The following C2CD5 variants were observed in gnomAD, a reference collection of about 807,000 sequenced individuals.
The protein encoded by C2CD5 is C2 calcium dependent domain containing 5.
In C2CD5, 109 loss-of-function variants were observed where a neutral mutation model predicts 130.3. The ratio of observed to expected loss-of-function variants is 0.84; its 90% CI spans 0.72 to 0.98. C2CD5 has a LOEUF of 0.98. Ranked by LOEUF, C2CD5 falls within the 50% of genes least tolerant of loss-of-function variation. C2CD5 has a pLI of 0.00. For synonymous variants in C2CD5, 454 were observed against 429.2 expected (o/e 1.06, Z -0.71); for missense variants, 996 against 1,261.8 (o/e 0.79, Z 3.19).
rs377726881 is a variant in C2CD5 at position 22,471,061 on chromosome 12, T to C, written c.2359-150A>G. The C allele has an allele frequency of 1.5e-5, 9 of 612,132 alleles. No homozygotes were observed. The African/African-American group carries it at 1.7e-4, about 11-fold the overall frequency. The allele number at this position is 612,132 out of a possible 1,614,324, so 37.9% of individuals were successfully genotyped here. A position where few individuals can be genotyped will look rare whatever the true frequency, so the allele number is the denominator to read the frequency against. ...CAGAATTATGTATAAATTCAAATCA[T>C]ACACAAACTACAACTATACCAAACA... On this transcript the variant is annotated intron_variant, in intron 20 of 26. Coordinates refer to ENST00000446597, the MANE Select transcript of C2CD5 (RefSeq NM_001286176.2).
At chr12:22,474,728 A>G in intron 16 of C2CD5, 23 bp downstream of exon 16, 1 of 1,553,424 alleles carries the variant, frequency 6.4e-7, no homozygotes, top group Non-Finnish European at 8.7e-7. Flanking sequence ...AACCTTTAAG[A>G]AATTAGTCCA....
intron 9 of C2CD5, among the ~76,000 whole-genome samples, chr12:22,508,218 T>C (rs924967134): frequency 6.6e-6 from 1 of 152,058 alleles, no homozygotes; most frequent in Admixed American, 6.5e-5. Flanking sequence ...TATTTAGAAA[T>C]AAATTCAGTT....
intron 8 of C2CD5, among the ~76,000 whole-genome samples, chr12:22,517,753 C>T (rs1224846687): frequency 3.3e-5 from 5 of 150,022 alleles, no homozygotes; most frequent in South Asian, 4.2e-4. Context: ...CAAAATAAAT[C>T]GTGGACTTTG....
chr12:22,485,187 TG>T (rs1190047795), intron 12 of C2CD5, among the ~76,000 whole-genome samples: 1 of 152,034 alleles, frequency 6.6e-6, no homozygotes, highest in Non-Finnish European at 1.5e-5. Flanking sequence ...GTTTTTTCTC[TG>T]GGATACAACA....
intron 10 of C2CD5, among the ~76,000 whole-genome samples, chr12:22,504,618 T>C (rs1393155019): frequency 6.6e-6 from 1 of 152,190 alleles, no homozygotes; most frequent in East Asian, 1.9e-4. Context: ...CAAAATGTTT[T>C]TCAGTAAGCA....
At chr12:22,477,136 C>T (rs1943962171) in intron 15 of C2CD5, 1 of 152,036 alleles carries the variant, frequency 6.6e-6, no homozygotes, top group East Asian at 1.9e-4. Context: ...TTTAATAAAA[C>T]ATTTTATTTC....
rs368015652 is a variant in C2CD5, at chr12:22,486,753, G to A, written c.1359-1865C>T. On this transcript the variant is annotated intron_variant, in intron 12 of 26. Coordinates refer to ENST00000446597, the MANE Select transcript of C2CD5 (RefSeq NM_001286176.2). ...TTCTTAAATGACATTTTAAGGAAAT[G>A]CCGAGAATGTTGGTAGAACTAGAGT... is the stretch of plus-strand genomic sequence containing the variant. Among the ~76,000 whole-genome samples the A allele has an allele frequency of 2.6e-5, 4 of 152,138 alleles. No homozygotes were observed. The East Asian group carries it at 7.7e-4, about 29-fold the overall frequency.
intron 20 of C2CD5, 128 bp downstream of exon 20, chr12:22,471,271 T>C: frequency 3.2e-6 from 2 of 622,686 alleles, no homozygotes; most frequent in Non-Finnish European, 5.7e-6. Flanking sequence ...CATACTAACA[T>C]ATATTTTTTA....
chr12:22,505,327 G>A (rs1025959677), intron 10 of C2CD5, among the ~76,000 whole-genome samples: 2 of 143,102 alleles, frequency 1.4e-5, no homozygotes, highest in Non-Finnish European at 3.0e-5. Flanking sequence ...GCACAATCTC[G>A]GCTCACTGCA....
At chr12:22,517,250 A>G (rs1306534389) in intron 8 of C2CD5, among the ~76,000 whole-genome samples, 3 of 151,748 alleles carry the variant, frequency 2.0e-5, no homozygotes, top group Non-Finnish European at 4.4e-5. Context: ...ATTTATAAAA[A>G]TTTCATCACT....
At chr12:22,462,706 G>C (rs1366273791) in intron 22 of C2CD5, among the ~76,000 whole-genome samples, 3 of 152,194 alleles carry the variant, frequency 2.0e-5, no homozygotes, top group African/African-American at 7.2e-5. Context: ...CAATGGCAAA[G>C]GTATTCGTTA....
Position 22,449,853 on chromosome 12 carries a change from A to C in C2CD5, c.3063T>G (p.Val1021=). 1 of 1,611,548 alleles carries C rather than the reference A, an allele frequency of 6.2e-7. No individual in the cohort carries two copies. Among genetic ancestry groups the C allele is most frequent in the Non-Finnish European group, 8.5e-7 (1 of 1,177,978 alleles). The change falls in exon 27 of 27, where the codon GTT becomes GTG. Residue 1021 remains valine (V), a synonymous_variant. Transcript: ENST00000446597. ...CLINVSGDAV[V]FVRESDLEVV... The stretch of plus-strand genomic sequence containing the variant: ...CTTCTAAGTCAGATTCACGAACAAA[A>C]ACCACTGCATCACCACTTACATTTA...
intron 25 of C2CD5, 85 bp from the exon 26 acceptor site, chr12:22,454,127 T>C: frequency 1.9e-6 from 2 of 1,064,822 alleles, no homozygotes; most frequent in Non-Finnish European, 2.7e-6. Flanking sequence ...AGAATATATA[T>C]TAAAACATCC....
At chr12:22,469,331 T>A (rs1261306087) in intron 22 of C2CD5, among the ~76,000 whole-genome samples, 1 of 151,980 alleles carries the variant, frequency 6.6e-6, no homozygotes, top group Non-Finnish European at 1.5e-5. Context: ...CTGTTGTGCA[T>A]GAAAATCCAA....
In C2CD5 at chr12:22,469,719, T is replaced by C; in HGVS notation, c.2523A>G (p.Pro841=). The change falls in exon 22 of 27, where the codon CCA becomes CCG. Residue 841 remains proline (P), a synonymous_variant. Coordinates refer to ENST00000446597, the MANE Select transcript of C2CD5 (RefSeq NM_001286176.2). ...CCTCACTTAACCAACCTTTAGCTGG[T>C]GGAAAAGGATGAGAAGGAAGTGAAT... ...CSDSLPSHPF[P]PAKEHLESAS... is the part of the protein sequence containing the mutation. The C allele has an allele frequency of 6.3e-7, 1 of 1,598,462 alleles. No homozygotes were observed. Among genetic ancestry groups the C allele is most frequent in the South Asian group, 1.1e-5 (1 of 88,964 alleles).
intron 2 of C2CD5, among the ~76,000 whole-genome samples, chr12:22,538,030 C>T (rs1438369999): frequency 1.3e-5 from 2 of 152,276 alleles, no homozygotes; most frequent in Non-Finnish European, 2.9e-5. Flanking sequence ...TCAATGCAAC[C>T]AGGACCAATA....
At chr12:22,539,562 G>A (rs1952148278) in intron 2 of C2CD5, among the ~76,000 whole-genome samples, 1 of 151,948 alleles carries the variant, frequency 6.6e-6, no homozygotes, top group Non-Finnish European at 1.5e-5. Flanking sequence ...AGTGGTTTTG[G>A]GGAAAATAGT....
chr12:22,460,813 A>T (rs1020249817), intron 22 of C2CD5: 1 of 152,218 alleles, frequency 6.6e-6, no homozygotes, highest in Non-Finnish European at 1.5e-5. Context: ...TCCTGACCTC[A>T]GGTAATCCGC....
At chr12:22,528,683 T>C (rs953231168) in intron 3 of C2CD5, among the ~76,000 whole-genome samples, 3 of 152,224 alleles carry the variant, frequency 2.0e-5, no homozygotes, top group Non-Finnish European at 2.9e-5. Flanking sequence ...ATGCAGTCCA[T>C]GGATGTTCTT....
Sources: allele counts gnomAD v4.1 joint callset (sites outside exome capture counted in the v4.1 genomes callset), GRCh38; gene constraint gnomAD v4.1.1; transcripts MANE v1.5; gene names NCBI Gene and HGNC (gene_info 2026-07-23, HGNC 2026-07-21).